MAP2K4: variants seen among roughly 807,000 people sequenced by gnomAD.
MAP2K4 encodes mitogen-activated protein kinase kinase 4.
In MAP2K4, 4 loss-of-function variants were observed where a neutral mutation model predicts 48.5. The ratio of observed to expected loss-of-function variants is 0.08; its 90% CI spans 0.04 to 0.19. MAP2K4 has a LOEUF of 0.19. Among genes scored for constraint, MAP2K4 ranks in the 10% least tolerant of loss-of-function variants. The pLI, the probability that MAP2K4 is intolerant of heterozygous loss-of-function variation, is 1.00. For missense variants in MAP2K4, 258 were observed against 493.3 expected (o/e 0.52, Z 4.52); for synonymous variants, 166 against 173.1 (o/e 0.96, Z 0.32).
At chr17:12,094,042 T>C (rs1029286772) in intron 3 of MAP2K4, among the ~76,000 whole-genome samples, 1 of 152,320 alleles carries the variant, frequency 6.6e-6, no homozygotes, top group East Asian at 1.9e-4. Flanking sequence ...CCATAAACTA[T>C]GAAAATAATC....
chr17:12,095,895 T>TTG (rs71947375), intron 4 of MAP2K4, among the ~76,000 whole-genome samples: 17,577 of 147,216 alleles, frequency 0.12, 1,084 homozygotes, highest in Admixed American at 0.16. Context: ...ACACGTGTGT[T>TTG]TGTGTGTGTG....
chr17:12,089,946 T>TA (rs1441513687), intron 3 of MAP2K4, among the ~76,000 whole-genome samples: 1 of 152,244 alleles, frequency 6.6e-6, no homozygotes. Flanking sequence ...CACTGCTTTC[T>TA]AAAGTCATTT....
chr17:12,100,730 ATGTGT>A (rs1212918882), intron 4 of MAP2K4, among the ~76,000 whole-genome samples: 3 of 152,018 alleles, frequency 2.0e-5, no homozygotes, highest in African/African-American at 7.2e-5. Context: ...ACTTAGTGTG[ATGTGT>A]TGTGTTAATC....
intron 9 of MAP2K4, among the ~76,000 whole-genome samples, chr17:12,130,849 A>G (rs145946185): frequency 6.6e-5 from 10 of 152,260 alleles, no homozygotes; most frequent in Non-Finnish European, 1.0e-4. Flanking sequence ...TGATTTTCTT[A>G]TAATCCAATA....
intron 9 of MAP2K4, among the ~76,000 whole-genome samples, chr17:12,137,882 A>ATAAATTTACCTTTTAAATTTATATT (rs947700994): frequency 1.5e-4 from 23 of 152,174 alleles, no homozygotes; most frequent in African/African-American, 5.5e-4. Context: ...AAACAAAGGT[A>ATAAATTTACCTTTTAAATTTATATT]TAAATTTACC....
intron 8 of MAP2K4, among the ~76,000 whole-genome samples, chr17:12,126,184 G>A (rs1357247022): frequency 6.6e-6 from 1 of 151,734 alleles, no homozygotes; most frequent in Non-Finnish European, 1.5e-5. Flanking sequence ...GGGACACAGA[G>A]CCAAACCATA....
At chr17:12,069,912 T>C (rs11654857) in intron 2 of MAP2K4, 4,174 of 51,208 alleles carry the variant, frequency 0.082, 121 homozygotes, top group South Asian at 0.14. Flanking sequence ...TATATATATA[T>C]ATATATATAT....
chr17:12,032,271 C>A, intron 1 of MAP2K4: 1 of 1,418,480 alleles, frequency 7.0e-7, no homozygotes, highest in Admixed American at 2.4e-5. Flanking sequence ...TTTAGGCTTT[C>A]AGATAAACTT....
intron 3 of MAP2K4, among the ~76,000 whole-genome samples, chr17:12,094,432 G>A (rs531553246): frequency 6.8e-4 from 104 of 152,128 alleles, no homozygotes; most frequent in Admixed American, 1.4e-3. Flanking sequence ...GAATTTAATT[G>A]ACTGCCTTCA....
At chr17:12,090,494 T>G (rs1353707059) in intron 3 of MAP2K4, among the ~76,000 whole-genome samples, 1 of 152,174 alleles carries the variant, frequency 6.6e-6, no homozygotes, top group Non-Finnish European at 1.5e-5. Context: ...GACCTGCTTC[T>G]TAGGAACTAC....
Position 12,141,316 on chromosome 17 carries a change from G to T in MAP2K4, c.*56G>T. 1 of 1,204,886 alleles carries T rather than the reference G, an allele frequency of 8.3e-7. No homozygotes were observed. Among genetic ancestry groups the T allele is most frequent in the East Asian group, 2.3e-5 (1 of 42,976 alleles). 74.6% of individuals were successfully genotyped at this position (1,204,886 alleles called of 1,614,324 possible). On this transcript the variant is annotated 3_prime_UTR_variant, in exon 11 of 11. Coordinates refer to ENST00000353533, the MANE Select transcript of MAP2K4 (RefSeq NM_003010.4). Reference sequence around the variant, plus strand: ...GGGCTGAGAGGAAGCAAGACGTAAAGAATTTTCATCCCGTATCACAGTGTT... The same window carrying T: ...GGGCTGAGAGGAAGCAAGACGTAAATAATTTTCATCCCGTATCACAGTGTT...
At chr17:12,138,068 G>T (rs184277269) in intron 9 of MAP2K4, among the ~76,000 whole-genome samples, 552 of 152,240 alleles carry the variant, frequency 3.6e-3, no homozygotes, top group Non-Finnish European at 6.2e-3. Flanking sequence ...GGAAAAAGTG[G>T]AGTCACAGCA....
chr17:12,027,970 A>G (rs1168774042), intron 1 of MAP2K4, among the ~76,000 whole-genome samples: 3 of 152,206 alleles, frequency 2.0e-5, no homozygotes, highest in Non-Finnish European at 2.9e-5. Context: ...CAGGAATAAT[A>G]GTGCCTGTGA....
At position 12,063,840 on chromosome 17, in the gene MAP2K4, C is replaced by T. The variant is rs28921675; in HGVS notation, c.218+8849C>T. Among the ~76,000 whole-genome samples the T allele has an allele frequency of 1.3e-4, 20 of 151,704 alleles. No individual in the cohort carries two copies. The East Asian group carries it at 3.1e-3, about 24-fold the overall frequency. ...ATACAAAATTAGCTGGACATGGTGTCGCATGGCTGTAACCCCAGCTACTTG... is the reference window on the plus strand; with the variant it reads ...ATACAAAATTAGCTGGACATGGTGTTGCATGGCTGTAACCCCAGCTACTTG... On this transcript the variant is annotated intron_variant, in intron 2 of 10. Transcript: ENST00000353533.
chr17:12,035,299 C>T (rs1408903744), intron 1 of MAP2K4, among the ~76,000 whole-genome samples: 1 of 152,156 alleles, frequency 6.6e-6, no homozygotes, highest in Non-Finnish European at 1.5e-5. Context: ...GGGCAGATCA[C>T]CTGAGGTTGG....
intron 1 of MAP2K4, among the ~76,000 whole-genome samples, chr17:12,048,280 A>G (rs113190245): frequency 4.6e-5 from 7 of 152,236 alleles, no homozygotes; most frequent in African/African-American, 1.7e-4. Flanking sequence ...CTTGTTTGTA[A>G]TTGTGGTATT....
Position 12,142,519 on chromosome 17 carries a change from A to C in MAP2K4, c.*1259A>C, listed in dbSNP as rs946789596. On this transcript the variant is annotated 3_prime_UTR_variant, in exon 11 of 11. Transcript: ENST00000353533. ...TCTCTCATATTCGCTAGTGTTTAAAAGGCTAAGAATAGTGGGGCCCAGCCG... is the reference window on the plus strand; with the variant it reads ...TCTCTCATATTCGCTAGTGTTTAAACGGCTAAGAATAGTGGGGCCCAGCCG... The C allele has an allele frequency of 2.6e-5, 6 of 232,918 alleles. No individual in the cohort carries two copies. Among genetic ancestry groups the C allele is most frequent in the African/African-American group, 1.3e-4 (6 of 45,334 alleles). The allele number at this position is 232,918 out of a possible 1,614,324, so 14.4% of individuals were successfully genotyped here.
intron 7 of MAP2K4, among the ~76,000 whole-genome samples, chr17:12,116,732 G>T: frequency 6.6e-6 from 1 of 152,140 alleles, no homozygotes; most frequent in Non-Finnish European, 1.5e-5. Context: ...GTCCTCAGGG[G>T]CAGTAACACG....
chr17:12,051,876 G>T (rs1482583551), intron 1 of MAP2K4, among the ~76,000 whole-genome samples: 3 of 151,884 alleles, frequency 2.0e-5, no homozygotes, highest in Non-Finnish European at 2.9e-5. Context: ...CCCAGTAGAG[G>T]CTCTAGTACT....
Sources: allele counts gnomAD v4.1 joint callset (sites outside exome capture counted in the v4.1 genomes callset), GRCh38; gene constraint gnomAD v4.1.1; transcripts MANE v1.5; gene names NCBI Gene and HGNC (gene_info 2026-07-23, HGNC 2026-07-21).